The following NRG1 variants were observed in gnomAD, a reference collection of about 807,000 sequenced individuals.
NRG1 encodes neuregulin 1.
In NRG1, 18 loss-of-function variants were observed where a neutral mutation model predicts 63.8. The ratio of observed to expected loss-of-function variants is 0.28; its 90% confidence interval spans 0.19 to 0.42. The LOEUF (loss-of-function observed/expected upper bound fraction) is 0.42. Ranked by LOEUF, NRG1 falls within the 10% of genes least tolerant of loss-of-function variation. The probability of loss-of-function intolerance (pLI) is 1.00; values close to 1 mark genes in which losing one functional copy is unlikely to be tolerated. For missense variants in NRG1, 762 were observed against 814.7 expected (o/e 0.94, Z 0.79); for synonymous variants, 302 against 301.3 (o/e 1.00, Z -0.02).
intron 1 of NRG1, among the ~76,000 whole-genome samples, chr8:31,643,008 G>C (rs951867254): frequency 1.3e-5 from 2 of 152,016 alleles, no homozygotes; most frequent in African/African-American, 4.8e-5. Flanking sequence ...GTGAGAGAGA[G>C]AATGAATGAA....
intron 5 of NRG1, among the ~76,000 whole-genome samples, chr8:32,716,991 C>T (rs1438824196): frequency 3.3e-5 from 5 of 151,844 alleles, no homozygotes; most frequent in Non-Finnish European, 5.9e-5. Flanking sequence ...AAAACAGGTG[C>T]TTGTTATGTT....
chr8:31,928,647 T>C (rs1034670910), intron 1 of NRG1, among the ~76,000 whole-genome samples: 5,667 of 146,290 alleles, frequency 0.039, 127 homozygotes, highest in Non-Finnish European at 0.047. Context: ...TATATATATA[T>C]ATACACACAC....
chr8:31,930,342 C>T (rs938830899), intron 1 of NRG1, among the ~76,000 whole-genome samples: 2 of 152,128 alleles, frequency 1.3e-5, no homozygotes. Context: ...TAGCTGTGAG[C>T]TCTAATGGGG....
intron 1 of NRG1, among the ~76,000 whole-genome samples, chr8:31,813,898 C>T (rs41394345): frequency 0.17 from 25,979 of 152,014 alleles, 2,465 homozygotes; most frequent in African/African-American, 0.23. Context: ...AATCAAGTAT[C>T]ATGATTATGC....
At chr8:32,154,540 T>TTTCC (rs1319575834) in intron 1 of NRG1, among the ~76,000 whole-genome samples, 3 of 152,056 alleles carry the variant, frequency 2.0e-5, no homozygotes, top group Non-Finnish European at 4.4e-5. Flanking sequence ...CTCTCTTTAT[T>TTTCC]TTCCTTCCTT....
intron 1 of NRG1, among the ~76,000 whole-genome samples, chr8:32,247,511 A>G (rs1393481364): frequency 6.6e-6 from 1 of 152,126 alleles, no homozygotes; most frequent in Non-Finnish European, 1.5e-5. Flanking sequence ...TGATTTTCAA[A>G]GGCCCTCTGG....
At chr8:32,375,388 T>A (rs1264708555) in intron 1 of NRG1, among the ~76,000 whole-genome samples, 1 of 152,224 alleles carries the variant, frequency 6.6e-6, no homozygotes, top group Non-Finnish European at 1.5e-5. Context: ...ACCATTTTTA[T>A]GAATAATATA....
intron 1 of NRG1, among the ~76,000 whole-genome samples, chr8:31,668,369 A>G (rs1025543374): frequency 5.3e-5 from 8 of 152,184 alleles, no homozygotes; most frequent in African/African-American, 1.2e-4. Context: ...AGAAACCCCT[A>G]AAGCAAACTG....
At chr8:31,721,160 G>C (rs1028259184) in intron 1 of NRG1, among the ~76,000 whole-genome samples, 9 of 152,164 alleles carry the variant, frequency 5.9e-5, no homozygotes, top group African/African-American at 2.2e-4. Context: ...AGGAAACTTT[G>C]CCAATTTTTT....
chr8:32,468,413 T>C (rs1250689781), intron 1 of NRG1, among the ~76,000 whole-genome samples: 1 of 152,206 alleles, frequency 6.6e-6, no homozygotes, highest in African/African-American at 2.4e-5. Flanking sequence ...AAGGGCCCTA[T>C]AAATAGTTAC....
At chr8:32,005,122 G>T (rs910342592) in intron 1 of NRG1, among the ~76,000 whole-genome samples, 1 of 151,436 alleles carries the variant, frequency 6.6e-6, no homozygotes, top group Non-Finnish European at 1.5e-5. Flanking sequence ...AAGAAAGAAG[G>T]GAGGGAGGAT....
chr8:32,363,718 A>T (rs918819307), intron 1 of NRG1, among the ~76,000 whole-genome samples: 1 of 152,010 alleles, frequency 6.6e-6, no homozygotes, highest in Non-Finnish European at 1.5e-5. Flanking sequence ...TGTTTTTTTT[A>T]ATTTTTTTTA....
intron 1 of NRG1, among the ~76,000 whole-genome samples, chr8:32,415,365 CAAAA>C (rs5890647): frequency 8.7e-6 from 1 of 115,340 alleles, no homozygotes. Context: ...GACTCTGTCT[CAAAA>C]AAAAAAAAAA....
At chr8:31,857,889 T>A (rs1203424520) in intron 1 of NRG1, among the ~76,000 whole-genome samples, 1 of 152,098 alleles carries the variant, frequency 6.6e-6, no homozygotes, top group Non-Finnish European at 1.5e-5. Context: ...AGTGTAGTGG[T>A]GATTCAAGAA....
intron 1 of NRG1, among the ~76,000 whole-genome samples, chr8:32,426,403 T>C (rs1817377151): frequency 6.6e-6 from 1 of 152,246 alleles, no homozygotes; most frequent in Admixed American, 6.5e-5. Context: ...CTAGTTCAGA[T>C]GTTAGAAACT....
intron 1 of NRG1, among the ~76,000 whole-genome samples, chr8:32,050,713 G>C (rs1004249384): frequency 6.6e-6 from 1 of 152,152 alleles, no homozygotes; most frequent in Non-Finnish European, 1.5e-5. Context: ...CCAGTCATTT[G>C]TAAGCTGTCT....
chr8:32,642,957 T>C (rs889216719), intron 5 of NRG1, among the ~76,000 whole-genome samples: 2 of 152,202 alleles, frequency 1.3e-5, no homozygotes, highest in Non-Finnish European at 2.9e-5. Flanking sequence ...TAAAGCAGAA[T>C]GACTAGCTTG....
intron 1 of NRG1, among the ~76,000 whole-genome samples, chr8:31,928,098 G>C (rs574568209): frequency 2.6e-5 from 4 of 151,022 alleles, no homozygotes; most frequent in African/African-American, 9.7e-5. Flanking sequence ...ATAGCAAAAG[G>C]TGTGCTCTTT....
At chr8:32,669,854 T>C (rs1003125476) in intron 5 of NRG1, among the ~76,000 whole-genome samples, 1 of 152,192 alleles carries the variant, frequency 6.6e-6, no homozygotes, top group African/African-American at 2.4e-5. Context: ...TTGTTATTCT[T>C]GTATTTATTA....
Sources: allele counts gnomAD v4.1 joint callset (sites outside exome capture counted in the v4.1 genomes callset), GRCh38; gene constraint gnomAD v4.1.1; transcripts MANE v1.5; gene names NCBI Gene and HGNC (gene_info 2026-07-23, HGNC 2026-07-21).